The following RIC1 variants were observed in gnomAD, a reference collection of about 807,000 sequenced individuals.
The protein encoded by RIC1 is RIC1 partner of RAB6A GEF complex, also known as guanine nucleotide exchange factor subunit RIC1.
Under a neutral mutation model 169.0 loss-of-function variants are expected in RIC1, and 88 were observed. The observed-to-expected ratio is 0.52, with a 90% CI of 0.44 to 0.62. The LOEUF (loss-of-function observed/expected upper bound fraction) is 0.62, where lower values mean the gene tolerates loss of function less well. RIC1 is among the 20% of genes least tolerant of loss of function. RIC1 has a pLI of 0.00. For synonymous variants in RIC1, 790 were observed against 601.5 expected, an observed-to-expected ratio of 1.31 and a Z score of -4.59; for missense variants, 1,877 against 1,725.5, an observed-to-expected ratio of 1.09 and a Z score of -1.56.
chr9:5,746,888 C>G (rs534093954), intron 11 of RIC1, among the ~76,000 whole-genome samples: 79 of 152,212 alleles, frequency 5.2e-4, no homozygotes, highest in Non-Finnish European at 1.0e-3. Context: ...CACTTGAAGA[C>G]TAAGGATCCC....
chr9:5,631,192 A>G (rs1346469350), intron 1 of RIC1, among the ~76,000 whole-genome samples: 2 of 152,226 alleles, frequency 1.3e-5, no homozygotes, highest in Admixed American at 1.3e-4. Flanking sequence ...TACGACATCT[A>G]GAAATCCAAG....
intron 2 of RIC1, among the ~76,000 whole-genome samples, chr9:5,667,208 G>C (rs1395816061): frequency 1.3e-5 from 2 of 152,124 alleles, no homozygotes; most frequent in Non-Finnish European, 2.9e-5. Flanking sequence ...TGTAGTCCTA[G>C]CTGCTCAGGA....
intron 3 of RIC1, among the ~76,000 whole-genome samples, chr9:5,702,591 T>C (rs1046012272): frequency 1.3e-5 from 2 of 152,246 alleles, no homozygotes; most frequent in African/African-American, 2.4e-5. Flanking sequence ...CAGGCTGGAG[T>C]GCAGTGGCAC....
At chr9:5,765,949 G>C (rs1826707121) in intron 21 of RIC1, 151 bp downstream of exon 21, 1 of 960,826 alleles carries the variant, frequency 1.0e-6, no homozygotes, top group Non-Finnish European at 1.5e-6. Flanking sequence ...CACACAGAAG[G>C]CTTCCCTTTT....
At chr9:5,633,486 G>A (rs1817820365) in intron 1 of RIC1, among the ~76,000 whole-genome samples, 1 of 152,074 alleles carries the variant, frequency 6.6e-6, no homozygotes, top group African/African-American at 2.4e-5. Context: ...TCCTTTAACT[G>A]CTGTTGAAAT....
intron 1 of RIC1, among the ~76,000 whole-genome samples, chr9:5,655,266 A>G (rs1203041744): frequency 6.6e-6 from 1 of 151,836 alleles, no homozygotes; most frequent in East Asian, 1.9e-4. Context: ...ATCATGAATG[A>G]GTGTTGTTCT....
intron 4 of RIC1, among the ~76,000 whole-genome samples, chr9:5,717,651 C>G (rs1224996557): frequency 6.6e-6 from 1 of 152,080 alleles, no homozygotes; most frequent in Non-Finnish European, 1.5e-5. Flanking sequence ...TCAAAACCAG[C>G]CTGGCCAACA....
chr9:5,659,041 A>G (rs1019478657), intron 2 of RIC1, among the ~76,000 whole-genome samples: 3 of 152,070 alleles, frequency 2.0e-5, no homozygotes, highest in African/African-American at 7.2e-5. Context: ...TTAAACCCCA[A>G]TTTACCAAAA....
intron 10 of RIC1, among the ~76,000 whole-genome samples, chr9:5,744,960 T>C (rs1825293445): frequency 6.6e-6 from 1 of 152,278 alleles, no homozygotes; most frequent in Non-Finnish European, 1.5e-5. Context: ...CTTGAGTTTC[T>C]TGTAGAATTA....
chr9:5,644,763 C>G (rs1586870954), intron 1 of RIC1, among the ~76,000 whole-genome samples: 1 of 152,130 alleles, frequency 6.6e-6, no homozygotes, highest in East Asian at 1.9e-4. Context: ...ATAAATGTTA[C>G]TCTTCTAGAG....
In RIC1 at chr9:5,756,343, C is replaced by T; in HGVS notation, c.1824C>T (p.Cys608=). ...VIVFRADCSI[C]LYSIERKSDG... ...TATTTAGAGCAGACTGTTCAATATGCCTTTACAGTATTGAAAGAAAATCTG... is the reference window on the plus strand; with the variant it reads ...TATTTAGAGCAGACTGTTCAATATGTCTTTACAGTATTGAAAGAAAATCTG... The change falls in exon 16 of 26, where the codon TGC becomes TGT. Residue 608 remains cysteine, a synonymous_variant. Coordinates refer to ENST00000414202, the MANE Select transcript of RIC1 (RefSeq NM_020829.4). The T allele has an allele frequency of 1.3e-6, 2 of 1,535,990 alleles. No homozygotes were observed. The highest frequency in any genetic ancestry group is 3.7e-5 in the Admixed American group (2 of 54,670).
At position 5,763,378 on chromosome 9, in the gene RIC1, A is replaced by C. The variant is rs1826466538; in HGVS notation, c.2351A>C (p.Glu784Ala). 5 of 1,613,996 alleles carry C rather than the reference A, an allele frequency of 3.1e-6. No individual in the cohort carries two copies. The highest frequency in any genetic ancestry group is 2.2e-5 in the South Asian group (2 of 91,076). ...ATTTACCCGCTAGCTGTTCTGTTTG[A>C]AGATGCTTTAGTCCTTGGTGCTGTC... The part of the protein sequence containing the change: ...INIYPLAVLF[E>A]DALVLGAVND... Residue 784 changes from glutamate to alanine, a missense_variant, in exon 19 of 26, where the codon GAA (glutamate) becomes GCA (alanine). Around this residue, in one of 3 missense-constraint regions of RIC1, gnomAD observed 1,104 missense variants for 992.0 expected, o/e 1.11. Transcript: ENST00000414202. This position sits in a 1 kb window ranked among gnomAD's most constrained non-coding sequence, Gnocchi z 5.2.
chr9:5,673,555 T>TATATATATATAA (rs1233980958), intron 2 of RIC1, among the ~76,000 whole-genome samples: 1 of 144,394 alleles, frequency 6.9e-6, no homozygotes, highest in African/African-American at 2.7e-5. Flanking sequence ...TATATATATA[T>TATATATATATAA]ATAAATAAAT....
rs1487197629 is a variant in RIC1, at chr9:5,774,046, T to C, written c.4072T>C (p.Phe1358Leu). The C allele has an allele frequency of 6.2e-7, 1 of 1,613,946 alleles. No homozygotes were observed. The highest frequency in any genetic ancestry group is 1.3e-5 in the African/African-American group (1 of 74,908). Reference sequence around the variant, plus strand: ...AGAAGAGCAGGTCCAGCCAGATGCCTTCCAACCAATAACTATGGGTAAGAC... The same window carrying C: ...AGAAGAGCAGGTCCAGCCAGATGCCCTCCAACCAATAACTATGGGTAAGAC... Reference protein sequence around the residue: ...ITEEQVQPDAFQPITMGKTPE... With the variant: ...ITEEQVQPDALQPITMGKTPE... The change falls in exon 26 of 26, where the codon TTC becomes CTC. Residue 1358 changes from phenylalanine to leucine, a missense_variant. Phe to Leu is a conservative substitution (Grantham distance 22). This residue lies in a region of RIC1 where 681 missense variants were observed against 582.0 expected (regional missense o/e 1.17). Coordinates refer to ENST00000414202, the MANE Select transcript of RIC1 (RefSeq NM_020829.4).
At chr9:5,645,094 A>T (rs780324762) in intron 1 of RIC1, among the ~76,000 whole-genome samples, 2 of 152,092 alleles carry the variant, frequency 1.3e-5, no homozygotes, top group South Asian at 4.1e-4. Flanking sequence ...TCCTTTGTCC[A>T]TTTAAAAAAA....
chr9:5,726,897 C>T (rs536848146), intron 6 of RIC1, among the ~76,000 whole-genome samples: 1 of 152,208 alleles, frequency 6.6e-6, no homozygotes, highest in Non-Finnish European at 1.5e-5. Flanking sequence ...TATCTTCTGG[C>T]TTGTAGAGTT....
intron 4 of RIC1, among the ~76,000 whole-genome samples, chr9:5,716,614 A>G (rs1438646849): frequency 6.6e-6 from 1 of 152,200 alleles, no homozygotes; most frequent in Non-Finnish European, 1.5e-5. Context: ...GTCTCAAAAG[A>G]AACAAAAATT....
chr9:5,670,319 C>T (rs965062121), intron 2 of RIC1, among the ~76,000 whole-genome samples: 8 of 152,218 alleles, frequency 5.3e-5, no homozygotes, highest in Non-Finnish European at 1.0e-4. Flanking sequence ...CTGCTGCTTT[C>T]TTAGCCTGTG....
intron 11 of RIC1, among the ~76,000 whole-genome samples, chr9:5,747,052 C>G (rs1825419237): frequency 6.6e-6 from 1 of 152,172 alleles, no homozygotes; most frequent in Non-Finnish European, 1.5e-5. Flanking sequence ...GTTAATGAGT[C>G]TACTCACCTT....
Sources: gnomAD v4.1 joint callset for allele counts (sites outside exome capture counted in the v4.1 genomes callset) on GRCh38, gnomAD v4.1.1 for gene constraint, gnomAD v4.1.1 regional missense constraint, Gnocchi (gnomAD v3.1) non-coding constraint, MANE v1.5 for transcripts, NCBI Gene and HGNC (gene_info 2026-07-23, HGNC 2026-07-21) for gene names.